NRCAM: variants seen among roughly 807,000 people sequenced by gnomAD.
The protein encoded by NRCAM is NgCAM-related cell adhesion molecule.
NRCAM carries 83 observed loss-of-function variants against 156.5 expected under a neutral mutation model. The observed-to-expected ratio is 0.53, with a 90% CI of 0.44 to 0.64. The LOEUF is 0.64. Among genes scored for constraint, NRCAM ranks in the 30% least tolerant of loss-of-function variants. The pLI is 0.00. For missense variants in NRCAM, 1,417 were observed against 1,597.3 expected, an observed-to-expected ratio of 0.89 and a Z score of 1.92; for synonymous variants, 538 against 563.9, an observed-to-expected ratio of 0.95 and a Z score of 0.65.
At chr7:108,299,963 G>C (rs2098554887) in intron 3 of NRCAM, among the ~76,000 whole-genome samples, 1 of 152,094 alleles carries the variant, frequency 6.6e-6, no homozygotes, top group African/African-American at 2.4e-5. Flanking sequence ...TAAATAACAA[G>C]TTACTGTGAG....
chr7:108,193,675 A>G (rs2073464083), intron 17 of NRCAM, among the ~76,000 whole-genome samples: 1 of 152,186 alleles, frequency 6.6e-6, no homozygotes, highest in Non-Finnish European at 1.5e-5. Flanking sequence ...AAGAGGTCAT[A>G]TTTCTGCTTA....
chr7:108,377,125 T>C (rs1457330301), intron 2 of NRCAM, among the ~76,000 whole-genome samples: 2 of 152,120 alleles, frequency 1.3e-5, no homozygotes, highest in Admixed American at 1.3e-4. Context: ...GATCACGCTA[T>C]TGCACTACAG....
Position 108,149,471 on chromosome 7 carries a change from C to G in NRCAM, c.*439G>C. On this transcript the variant is annotated 3_prime_UTR_variant, in exon 33 of 33. Coordinates refer to ENST00000379028, the MANE Select transcript of NRCAM (RefSeq NM_001037132.4). ...AAAGACATTGAAGTTCTAGAGAATA[C>G]TACAGTAACATTCTTGACAATGAAA... 1 of 168,468 alleles carries G rather than the reference C, an allele frequency of 5.9e-6. No homozygotes were observed. The highest frequency in any genetic ancestry group is 1.3e-5 in the Non-Finnish European group (1 of 77,560). 10.4% of individuals were successfully genotyped at this position (168,468 alleles called of 1,614,324 possible). A position where few individuals can be genotyped will look rare whatever the true frequency, so the allele number is the denominator to read the frequency against.
intron 8 of NRCAM, among the ~76,000 whole-genome samples, chr7:108,229,420 C>T (rs529739223): frequency 6.6e-6 from 1 of 152,170 alleles, no homozygotes; most frequent in Admixed American, 6.5e-5. Context: ...AGCCACCCTG[C>T]CTGGTTAATC....
chr7:108,237,843 G>T, intron 4 of NRCAM, 74 bp from the exon 5 acceptor site: 3 of 1,138,584 alleles, frequency 2.6e-6, no homozygotes, highest in Non-Finnish European at 3.7e-6. Flanking sequence ...TAATAAGAAC[G>T]TTAGAACTCT....
At chr7:108,177,401 A>G (rs2060993200) in intron 26 of NRCAM, among the ~76,000 whole-genome samples, 1 of 152,142 alleles carries the variant, frequency 6.6e-6, no homozygotes, top group Non-Finnish European at 1.5e-5. Context: ...AGGTGGGCAG[A>G]TCACGAGGTC....
chr7:108,253,394 T>A (rs2096470297), intron 3 of NRCAM, among the ~76,000 whole-genome samples: 1 of 152,304 alleles, frequency 6.6e-6, no homozygotes, highest in South Asian at 2.1e-4. Flanking sequence ...ACCTGAGCTC[T>A]ACCTTGCCCT....
chr7:108,169,298 T>A (rs2056998842), intron 28 of NRCAM, among the ~76,000 whole-genome samples: 1 of 152,198 alleles, frequency 6.6e-6, no homozygotes, highest in Non-Finnish European at 1.5e-5. Context: ...ATTCTATCAG[T>A]CCTACCTCAA....
At chr7:108,258,907 A>C (rs1257765145) in intron 3 of NRCAM, among the ~76,000 whole-genome samples, 2 of 152,210 alleles carry the variant, frequency 1.3e-5, no homozygotes, top group Non-Finnish European at 2.9e-5. Context: ...AGACTCCACT[A>C]AAATGTCAAC....
At position 108,209,498 on chromosome 7, in the gene NRCAM, G is replaced by A. The variant is rs772641596; in HGVS notation, c.998C>T (p.Ala333Val). The A allele has an allele frequency of 1.2e-6, 2 of 1,611,754 alleles. No homozygotes were observed. The highest frequency in any genetic ancestry group is 2.2e-5 in the South Asian group (2 of 90,684). Residue 333 changes from alanine to valine, a missense_variant, in exon 12 of 33, where the codon GCA becomes GTA. Transcript: ENST00000379028. The stretch of plus-strand genomic sequence containing the variant: ...TATACATTGGTAATTTCCAGAGTCT[G>A]CTTCTGAAACATGAATGATCTGCAA... Reference protein sequence around the residue: ...KTLQIIHVSEADSGNYQCIAK... With the variant: ...KTLQIIHVSEVDSGNYQCIAK...
At chr7:108,315,620 G>C (rs7807435) in intron 2 of NRCAM, among the ~76,000 whole-genome samples, 9,405 of 152,260 alleles carry the variant, frequency 0.062, 294 homozygotes, top group Middle Eastern at 0.095. Flanking sequence ...TGGGAACACA[G>C]GCCCCTAACT....
intron 1 of NRCAM, among the ~76,000 whole-genome samples, chr7:108,403,400 C>T (rs2099798566): frequency 6.6e-6 from 1 of 152,008 alleles, no homozygotes; most frequent in Admixed American, 6.6e-5. Flanking sequence ...AATTTAAAAG[C>T]CAGCAACAAT....
chr7:108,372,178 G>T (rs1006658925), intron 2 of NRCAM, among the ~76,000 whole-genome samples: 15 of 152,070 alleles, frequency 9.9e-5, no homozygotes, highest in African/African-American at 2.7e-4. Flanking sequence ...GAATAAACCT[G>T]GTTTCTGATC....
intron 32 of NRCAM, among the ~76,000 whole-genome samples, chr7:108,157,693 G>A (rs903051870): frequency 6.6e-6 from 1 of 152,080 alleles, no homozygotes; most frequent in African/African-American, 2.4e-5. Flanking sequence ...AAGTTTTAAT[G>A]GAGTAGGCAG....
At chr7:108,446,351 G>C (rs1844171020) in intron 1 of NRCAM, among the ~76,000 whole-genome samples, 1 of 152,126 alleles carries the variant, frequency 6.6e-6, no homozygotes, top group South Asian at 2.1e-4. Flanking sequence ...ATCTATCTAT[G>C]TCTTCAAACC....
chr7:108,442,966 TTG>T (rs1840277676), intron 1 of NRCAM, among the ~76,000 whole-genome samples: 1 of 25,226 alleles, frequency 4.0e-5, no homozygotes, highest in Admixed American at 3.0e-4. Context: ...TTCTCATTAG[TTG>T]TAGTTGCTCC....
At chr7:108,362,241 G>T (rs187142730) in intron 2 of NRCAM, among the ~76,000 whole-genome samples, 6 of 152,330 alleles carry the variant, frequency 3.9e-5, no homozygotes, top group African/African-American at 1.2e-4. Flanking sequence ...AGTGGAGAAA[G>T]GAGTGAGGGA....
At chr7:108,183,017 G>C in intron 22 of NRCAM, 97 bp from the exon 23 acceptor site, 2 of 982,634 alleles carry the variant, frequency 2.0e-6, no homozygotes. Context: ...TACAGAAAGT[G>C]ATCATTGAAA....
chr7:108,275,969 T>C (rs549854941), intron 3 of NRCAM, among the ~76,000 whole-genome samples: 1 of 152,348 alleles, frequency 6.6e-6, no homozygotes, highest in African/African-American at 2.4e-5. Flanking sequence ...ACATCTTTAT[T>C]TCTGCCTTAA....
Sources: gnomAD v4.1 joint callset for allele counts (sites outside exome capture counted in the v4.1 genomes callset) on GRCh38, gnomAD v4.1.1 for gene constraint, MANE v1.5 for transcripts, NCBI Gene and HGNC (gene_info 2026-07-23, HGNC 2026-07-21) for gene names.